PRMT8: variants seen among roughly 807,000 people sequenced by gnomAD.
PRMT8 encodes protein arginine N-methyltransferase 8.
In PRMT8, 7 loss-of-function variants were observed where a neutral mutation model predicts 47.1. The observed-to-expected ratio is 0.15, with a 90% confidence interval of 0.08 to 0.28. The LOEUF is 0.28. Among genes scored for constraint, PRMT8 ranks in the 10% least tolerant of loss-of-function variants. PRMT8 has a pLI of 1.00. For synonymous variants in PRMT8, 188 were observed against 186.5 expected, an observed-to-expected ratio of 1.01 and a Z score of -0.07; for missense variants, 237 against 505.4, an observed-to-expected ratio of 0.47 and a Z score of 5.09.
At chr12:3,455,725 G>T (rs941522001) in intron 1 of PRMT8, among the ~76,000 whole-genome samples, 1 of 152,094 alleles carries the variant, frequency 6.6e-6, no homozygotes, top group Non-Finnish European at 1.5e-5. Context: ...AATTTGGCTT[G>T]GTCCTCTTGG....
chr12:3,411,999 T>C (rs1864435819), intron 1 of PRMT8, among the ~76,000 whole-genome samples: 1 of 152,258 alleles, frequency 6.6e-6, no homozygotes, highest in African/African-American at 2.4e-5. Flanking sequence ...AGATTGAAGA[T>C]ACAGGCATGC....
chr12:3,476,683 G>A (rs1865218540), intron 1 of PRMT8, among the ~76,000 whole-genome samples: 1 of 152,210 alleles, frequency 6.6e-6, no homozygotes, highest in Non-Finnish European at 1.5e-5. Flanking sequence ...TTCTCTTCAG[G>A]TTGGGCTAAA....
Position 3,409,915 on chromosome 12 carries a change from C to T in PRMT8, c.48+28473C>T, listed in dbSNP as rs190252970. 2.6e-5 allele frequency among the ~76,000 whole-genome samples: 4 copies of T among 152,230 alleles called. No homozygotes were observed. Among genetic ancestry groups the T allele is most frequent in the East Asian group, 1.9e-4 (1 of 5,168 alleles). ...CTTGATTTTCCCAGAGATGGGGTGC[C>T]GCTTCAGCTCAGGCCAAGAGAGGCA... On this transcript the variant is annotated intron_variant, in intron 1 of 9. Coordinates refer to the PRMT8 transcript ENST00000452611. The surrounding 1 kb of genome is among the most constrained non-coding windows in gnomAD (Gnocchi z 4.4).
chr12:3,432,053 G>T (rs1429052656), intron 1 of PRMT8, among the ~76,000 whole-genome samples: 1 of 152,150 alleles, frequency 6.6e-6, no homozygotes, highest in African/African-American at 2.4e-5. Context: ...TGGGGCAAGT[G>T]CCCCCAAGTC....
chr12:3,521,115 A>G (rs1240112422), intron 1 of PRMT8, among the ~76,000 whole-genome samples: 1 of 152,258 alleles, frequency 6.6e-6, no homozygotes, highest in Non-Finnish European at 1.5e-5. Context: ...GAGAAAAAGG[A>G]AAAGCTGGGC....
At chr12:3,452,372 G>A (rs1257438371) in intron 1 of PRMT8, among the ~76,000 whole-genome samples, 2 of 151,864 alleles carry the variant, frequency 1.3e-5, no homozygotes, top group African/African-American at 2.4e-5. Flanking sequence ...ACCACTTACT[G>A]GCAACATGCA....
chr12:3,405,841 C>A (rs1373189101), intron 1 of PRMT8, among the ~76,000 whole-genome samples: 2 of 152,268 alleles, frequency 1.3e-5, no homozygotes, highest in African/African-American at 4.8e-5. Flanking sequence ...TTTCCAGGCA[C>A]ACTGTGTAAG....
chr12:3,465,282 AT>A (rs58991782), intron 1 of PRMT8, among the ~76,000 whole-genome samples: 1 of 104,810 alleles, frequency 9.5e-6, no homozygotes, highest in Non-Finnish European at 2.1e-5. Flanking sequence ...AAAATAAAAA[AT>A]ATATAATATA....
chr12:3,563,264 G>T (rs1359130127), intron 4 of PRMT8, among the ~76,000 whole-genome samples: 1 of 151,986 alleles, frequency 6.6e-6, no homozygotes, highest in Non-Finnish European at 1.5e-5. Context: ...AGCACGTTGG[G>T]CCCTGAGCCC....
intron 1 of PRMT8, among the ~76,000 whole-genome samples, chr12:3,389,291 C>T (rs112083502): frequency 0.011 from 1,625 of 152,252 alleles, 21 homozygotes; most frequent in African/African-American, 0.035. Flanking sequence ...CCAGGGTCAA[C>T]GCTGGTGACA....
At chr12:3,546,953 A>G (rs7960599) in intron 2 of PRMT8, among the ~76,000 whole-genome samples, 7,133 of 152,314 alleles carry the variant, frequency 0.047, 203 homozygotes, top group East Asian at 0.09. Flanking sequence ...ACATCATGAC[A>G]AAGTGTTCAT....
At chr12:3,571,942 A>C (rs928648974) in intron 6 of PRMT8, among the ~76,000 whole-genome samples, 11 of 152,236 alleles carry the variant, frequency 7.2e-5, no homozygotes, top group African/African-American at 2.7e-4. Flanking sequence ...CCAGCTAAGA[A>C]GGAAAAATTT....
Position 3,576,774 on chromosome 12 carries a change from C to T in PRMT8, c.713-97C>T, listed in dbSNP as rs1206423066. On this transcript the variant is annotated intron_variant, in intron 6 of 9. Coordinates refer to ENST00000382622, the MANE Select transcript of PRMT8 (RefSeq NM_019854.5). The surrounding 1 kb of genome is among the most constrained non-coding windows in gnomAD (Gnocchi z 4.0). ...CGATGCAAGGGAACTCGAGCTGCCACTCAGCCCTCAGGCACGCTGTGCTCT... is the reference window on the plus strand; with the variant it reads ...CGATGCAAGGGAACTCGAGCTGCCATTCAGCCCTCAGGCACGCTGTGCTCT... The T allele has an allele frequency of 3.3e-6, 3 of 903,100 alleles. No homozygotes were observed. The African/African-American group carries it at 5.0e-5, about 15-fold the overall frequency. 55.9% of individuals were successfully genotyped at this position (903,100 alleles called of 1,614,324 possible).
intron 1 of PRMT8, among the ~76,000 whole-genome samples, chr12:3,539,765 G>A (rs1866186166): frequency 6.6e-6 from 1 of 151,440 alleles, no homozygotes; most frequent in Non-Finnish European, 1.5e-5. Flanking sequence ...GCTGGGCTGG[G>A]CCTCAGGATT....
At chr12:3,547,554 G>T (rs1329828397) in intron 2 of PRMT8, among the ~76,000 whole-genome samples, 1 of 152,146 alleles carries the variant, frequency 6.6e-6, no homozygotes, top group Non-Finnish European at 1.5e-5. Context: ...AAGGTGGGCA[G>T]ATTACTTGAG....
intron 7 of PRMT8, among the ~76,000 whole-genome samples, chr12:3,577,487 C>T (rs1866969700): frequency 6.6e-6 from 1 of 152,098 alleles, no homozygotes; most frequent in South Asian, 2.1e-4. Context: ...CTCGCCTCCA[C>T]ATACACCTTT....
chr12:3,397,521 TC>T (rs1864266415), intron 1 of PRMT8, among the ~76,000 whole-genome samples: 1 of 150,384 alleles, frequency 6.6e-6, no homozygotes, highest in Admixed American at 6.6e-5. Flanking sequence ...GTTAGGCTGC[TC>T]GGGGGTCAGG....
intron 1 of PRMT8, among the ~76,000 whole-genome samples, chr12:3,396,251 C>T (rs1449951572): frequency 6.6e-6 from 1 of 152,140 alleles, no homozygotes; most frequent in African/African-American, 2.4e-5. Flanking sequence ...TTGATCCTGT[C>T]ATTATGATGT....
At chr12:3,399,191 G>T (rs1790803681) in intron 1 of PRMT8, among the ~76,000 whole-genome samples, 1 of 152,106 alleles carries the variant, frequency 6.6e-6, no homozygotes, top group Admixed American at 6.6e-5. Flanking sequence ...TTCAACCTAG[G>T]GTTATGGTTA....
Sources: allele counts gnomAD v4.1 joint callset (sites outside exome capture counted in the v4.1 genomes callset), GRCh38; gene constraint gnomAD v4.1.1; non-coding constraint Gnocchi (gnomAD v3.1); transcripts MANE v1.5; gene names NCBI Gene and HGNC (gene_info 2026-07-23, HGNC 2026-07-21).